Variants in SMIM14 observed in about 807,000 individuals in gnomAD.
SMIM14 encodes the protein chromosome 4 open reading frame 34.
SMIM14 carries 5 observed loss-of-function variants against 12.6 expected under a neutral mutation model. The ratio of observed to expected loss-of-function variants is 0.40; its 90% CI spans 0.21 to 0.83. The LOEUF (loss-of-function observed/expected upper bound fraction) is 0.83, where lower values mean the gene tolerates loss of function less well. Ranked by LOEUF, SMIM14 falls within the 40% of genes least tolerant of loss-of-function variation. The pLI is 0.37. For missense variants in SMIM14, 86 were observed against 119.1 expected, an observed-to-expected ratio of 0.72 and a Z score of 1.29; for synonymous variants, 30 against 40.1, an observed-to-expected ratio of 0.75 and a Z score of 0.95.
chr4:39,602,596 AAAAC>A (rs747522863), intron 2 of SMIM14, among the ~76,000 whole-genome samples: 6 of 152,328 alleles, frequency 3.9e-5, no homozygotes, highest in South Asian at 2.1e-4. Flanking sequence ...TCCATGTCAA[AAAAC>A]AAACAAACAA....
chr4:39,588,554 T>TTC (rs1302753182), intron 2 of SMIM14, among the ~76,000 whole-genome samples: 1 of 152,116 alleles, frequency 6.6e-6, no homozygotes, highest in Non-Finnish European at 1.5e-5. Flanking sequence ...GAAATTTCCT[T>TTC]ATTGACTAAA....
chr4:39,613,588 G>C (rs1715109503), intron 1 of SMIM14, among the ~76,000 whole-genome samples: 1 of 152,080 alleles, frequency 6.6e-6, no homozygotes, highest in Non-Finnish European at 1.5e-5. Context: ...TAAATCCCTT[G>C]GTCTCCAGAG....
rs1299484439 is a variant in SMIM14, at chr4:39,558,911, T to C, written c.125-2341A>G. On this transcript the variant is annotated intron_variant, in intron 3 of 4. Coordinates refer to ENST00000295958, the MANE Select transcript of SMIM14 (RefSeq NM_174921.3). This position sits in a 1 kb window ranked among gnomAD's most constrained non-coding sequence, Gnocchi z 4.3. ...CTTTAGTAGAGATGGGGTTTCACCA[T>C]GTTGGCCAGGCTGGTCTCAAACTCC... Among the ~76,000 whole-genome samples, 1 of 152,096 alleles carries C rather than the reference T, an allele frequency of 6.6e-6. No individual in the cohort carries two copies. The highest frequency in any genetic ancestry group is 1.5e-5 in the Non-Finnish European group (1 of 68,000).
chr4:39,614,172 C>T (rs1353489775), intron 1 of SMIM14, among the ~76,000 whole-genome samples: 4 of 115,660 alleles, frequency 3.5e-5, no homozygotes, highest in Non-Finnish European at 5.0e-5. Context: ...GCAACAAGAG[C>T]GAAACTCCAT....
intron 2 of SMIM14, among the ~76,000 whole-genome samples, chr4:39,601,718 G>A (rs755014982): frequency 2.6e-5 from 4 of 151,924 alleles, no homozygotes; most frequent in Non-Finnish European, 2.9e-5. Context: ...AGGCTAAGGC[G>A]GGAGGATCAC....
rs372419357 is a variant in SMIM14, at chr4:39,575,079, GTTTTT to G, written c.76-2621_76-2617del. 4.4e-3 allele frequency among the ~76,000 whole-genome samples: 552 copies of G among 125,416 alleles called. 3 individuals carry two copies. Among genetic ancestry groups the G allele is most frequent in the Non-Finnish European group, 6.9e-3 (413 of 59,642 alleles). 82.3% of individuals were successfully genotyped at this position (125,416 alleles called of 152,430 possible). On this transcript the variant is annotated intron_variant, in intron 2 of 4. Transcript: ENST00000295958. The stretch of plus-strand genomic sequence containing the variant: ...TTGTTTTAATAAGAACGAGAAAATA[GTTTTT>G]TTTTTTTTTTTTTTTGAGACAGAGT...
At chr4:39,622,841 G>A (rs1385338243) in intron 1 of SMIM14, among the ~76,000 whole-genome samples, 1 of 152,118 alleles carries the variant, frequency 6.6e-6, no homozygotes, top group Non-Finnish European at 1.5e-5. Context: ...TCATATAATG[G>A]TTACATATTA....
intron 4 of SMIM14, among the ~76,000 whole-genome samples, chr4:39,552,435 G>A (rs1027132883): frequency 3.3e-5 from 5 of 152,098 alleles, no homozygotes; most frequent in Non-Finnish European, 7.4e-5. Flanking sequence ...AAGAGAGAGG[G>A]AATTTGTACA....
intron 1 of SMIM14, among the ~76,000 whole-genome samples, chr4:39,617,869 A>G (rs1686857987): frequency 6.6e-6 from 1 of 152,254 alleles, no homozygotes; most frequent in Admixed American, 6.5e-5. Flanking sequence ...ATTAAGTTTA[A>G]AATAAAAGCA....
chr4:39,598,221 C>G (rs1714454263), intron 2 of SMIM14, among the ~76,000 whole-genome samples: 1 of 152,182 alleles, frequency 6.6e-6, no homozygotes. Context: ...CTCAATAGAC[C>G]TATTCCTCCT....
intron 1 of SMIM14, among the ~76,000 whole-genome samples, chr4:39,623,034 C>T (rs1715563297): frequency 6.6e-6 from 1 of 152,124 alleles, no homozygotes; most frequent in Non-Finnish European, 1.5e-5. Flanking sequence ...AGTAAAAGGA[C>T]ATTTATGAAC....
Position 39,564,523 on chromosome 4 carries a change from A to C in SMIM14, c.124+7892T>G, listed in dbSNP as rs574020066. Among the ~76,000 whole-genome samples, 6 of 152,234 alleles carry C rather than the reference A, an allele frequency of 3.9e-5. No individual in the cohort carries two copies. In the East Asian group the frequency reaches 1.2e-3, roughly 29 times the overall value. On this transcript the variant is annotated intron_variant, in intron 3 of 4. Coordinates refer to ENST00000295958, the MANE Select transcript of SMIM14 (RefSeq NM_174921.3). Reference sequence around the variant, plus strand: ...TCTGAAAAAATCTGAAACTGAATACACTTCTGGCTCCAAGCATTTCAAATA... The same window carrying C: ...TCTGAAAAAATCTGAAACTGAATACCCTTCTGGCTCCAAGCATTTCAAATA...
chr4:39,605,213 C>A (rs781199169), intron 1 of SMIM14, 33 bp from the exon 2 acceptor site: 37 of 1,240,514 alleles, frequency 3.0e-5, no homozygotes, highest in Non-Finnish European at 4.2e-5. Flanking sequence ...GTTAAGTCTA[C>A]AATTCAGAAT....
intron 1 of SMIM14, among the ~76,000 whole-genome samples, chr4:39,629,379 G>GATAA (rs1715823316): frequency 1.8e-5 from 1 of 54,736 alleles, no homozygotes; most frequent in Non-Finnish European, 4.0e-5. Flanking sequence ...AAAAAAAAAA[G>GATAA]ATACATATAT....
chr4:39,598,344 A>G (rs936125465), intron 2 of SMIM14, among the ~76,000 whole-genome samples: 4 of 152,174 alleles, frequency 2.6e-5, no homozygotes, highest in Admixed American at 1.3e-4. Flanking sequence ...TGTTCTGAAA[A>G]ACAGTAATTT....
rs1036615782 is a variant in SMIM14 at position 39,558,092 on chromosome 4, C to A, written c.125-1522G>T. On this transcript the variant is annotated intron_variant, in intron 3 of 4. Coordinates refer to ENST00000295958, the MANE Select transcript of SMIM14 (RefSeq NM_174921.3). This position sits in a 1 kb window ranked among gnomAD's most constrained non-coding sequence, Gnocchi z 4.3. The stretch of plus-strand genomic sequence containing the variant: ...CCACGTCTTATTTAATTTGAAATAA[C>A]AAGTGCCTAGCACAGTGCCTGACCC... 5.9e-5 allele frequency among the ~76,000 whole-genome samples: 9 copies of A among 152,210 alleles called. No individual in the cohort carries two copies. Among genetic ancestry groups the A allele is most frequent in the Admixed American group, 6.5e-5 (1 of 15,272 alleles).
At chr4:39,626,178 A>G (rs568552061) in intron 1 of SMIM14, among the ~76,000 whole-genome samples, 3 of 152,286 alleles carry the variant, frequency 2.0e-5, no homozygotes, top group East Asian at 3.9e-4. Context: ...GAGGTAGAAT[A>G]GCTTCATCCC....
chr4:39,572,875 T>C (rs1178664765), intron 2 of SMIM14, among the ~76,000 whole-genome samples: 2 of 152,042 alleles, frequency 1.3e-5, no homozygotes, highest in Non-Finnish European at 2.9e-5. Context: ...CTCACTCTGT[T>C]GCCTAGGCTG....
Position 39,554,975 on chromosome 4 carries a change from A to G in SMIM14, c.267+1453T>C, listed in dbSNP as rs369292428. On this transcript the variant is annotated intron_variant, in intron 4 of 4. Coordinates refer to ENST00000295958, the MANE Select transcript of SMIM14 (RefSeq NM_174921.3). ...CTCAGCCTCCCGAGTAGCTGGGATTACAGGTGCCCACCACCAGGCCCAGCT... is the reference window on the plus strand; with the variant it reads ...CTCAGCCTCCCGAGTAGCTGGGATTGCAGGTGCCCACCACCAGGCCCAGCT... 6.0e-5 allele frequency among the ~76,000 whole-genome samples: 9 copies of G among 151,180 alleles called. No homozygotes were observed. The East Asian group carries it at 1.8e-3, about 30-fold the overall frequency.
Sources: gnomAD v4.1 joint callset for allele counts (sites outside exome capture counted in the v4.1 genomes callset) on GRCh38, gnomAD v4.1.1 for gene constraint, Gnocchi (gnomAD v3.1) non-coding constraint, MANE v1.5 for transcripts, NCBI Gene and HGNC (gene_info 2026-07-23, HGNC 2026-07-21) for gene names.